The following HR variants were observed in gnomAD, a reference collection of about 807,000 sequenced individuals.
The protein encoded by HR is lysine-specific demethylase hairless.
Under a neutral mutation model 128.6 loss-of-function variants are expected in HR, and 83 were observed. The observed-to-expected ratio is 0.65, with a 90% CI of 0.54 to 0.77. The LOEUF (loss-of-function observed/expected upper bound fraction) is 0.77, where lower values mean the gene tolerates loss of function less well. HR is among the 30% of genes least tolerant of loss of function. HR has a pLI of 0.00. For synonymous variants in HR, 681 were observed against 658.2 expected (o/e 1.03, Z -0.53); for missense variants, 1,490 against 1,574.6 (o/e 0.95, Z 0.91).
chr8:22,125,893 C>T (rs1826877364), intron 3 of HR, among the ~76,000 whole-genome samples, 161 bp from the exon 4 acceptor site: 1 of 152,228 alleles, frequency 6.6e-6, no homozygotes, highest in African/African-American at 2.4e-5. Flanking sequence ...GACCAGGCAG[C>T]TGGAAGGCTC....
rs1255320045 is a variant in HR at position 22,120,854 on chromosome 8, C to T, written c.2472G>A (p.Leu824=). 9.7e-6 allele frequency: 15 copies of T among 1,551,832 alleles called. No homozygotes were observed. The highest frequency in any genetic ancestry group is 1.3e-5 in the Non-Finnish European group (15 of 1,147,702). Residue 824 remains leucine (L), a synonymous_variant, in exon 11 of 19, where the codon CTG becomes CTA. Transcript: ENST00000381418. ...AGAGGGGCAGGCCCAGGCCCTTGCG[C>T]AGACCCGGGCCAGCTCGAAGCCCCG... ...LGPGLRAGPG[L]RKGLGLPLSP...
At chr8:22,130,196 A>G (rs986208086) in intron 1 of HR, among the ~76,000 whole-genome samples, 1 of 152,222 alleles carries the variant, frequency 6.6e-6, no homozygotes, top group African/African-American at 2.4e-5. Context: ...CTTCGGCCAG[A>G]GCGACGAAGC....
intron 8 of HR, 139 bp downstream of exon 8, chr8:22,122,354 G>C (rs1408015719): frequency 3.1e-6 from 2 of 650,404 alleles, no homozygotes; most frequent in Non-Finnish European, 5.4e-6. Flanking sequence ...CATGGCTCCT[G>C]ATCCCCAAGG....
rs987217399 is a variant in HR at position 22,115,375 on chromosome 8, C to T, written c.*325G>A. The T allele has an allele frequency of 4.0e-6, 2 of 498,600 alleles. No individual in the cohort carries two copies. The highest frequency in any genetic ancestry group is 7.3e-6 in the Non-Finnish European group (2 of 272,576). 30.9% of individuals were successfully genotyped at this position (498,600 alleles called of 1,614,324 possible). A position where few individuals can be genotyped will look rare whatever the true frequency, so the allele number is the denominator to read the frequency against. On this transcript the variant is annotated 3_prime_UTR_variant, in exon 19 of 19. Coordinates refer to ENST00000381418, the MANE Select transcript of HR (RefSeq NM_005144.5). ...AAGCCAGAATGATTCCCAAGTTTCC[C>T]CAAGGAAGGGCTGTTTGTCTCCTGG...
At chr8:22,124,466 T>C (rs2131761550) in intron 5 of HR, among the ~76,000 whole-genome samples, 1 of 152,290 alleles carries the variant, frequency 6.6e-6, no homozygotes, top group East Asian at 1.9e-4. Flanking sequence ...TGTCGCTGAG[T>C]ACAATTCAAC....
chr8:22,118,909 C>G lies in HR; in HGVS notation c.3213+41G>C, dbSNP rs752402931. On this transcript the variant is annotated intron_variant, in intron 16 of 18. Transcript: ENST00000381418. Reference sequence around the variant, plus strand: ...GGTGGGACTGGACGAGCTTCTAGGGCTGGGCGGGGGGAAGGGGAGGGCTCC... The same window carrying G: ...GGTGGGACTGGACGAGCTTCTAGGGGTGGGCGGGGGGAAGGGGAGGGCTCC... 21 of 1,542,274 alleles carry G rather than the reference C, an allele frequency of 1.4e-5. No homozygotes were observed. The South Asian group carries it at 2.3e-4, about 17-fold the overall frequency.
At chr8:22,123,617 T>TGGGCC in intron 6 of HR, 32 bp downstream of exon 6, 4 of 292,092 alleles carry the variant, frequency 1.4e-5, no homozygotes, top group Non-Finnish European at 1.9e-5. Context: ...GAGGGCTCCA[T>TGGGCC]CCCGCCCTCC....
In HR at chr8:22,125,327, A is replaced by G. The variant is rs1461650428; in HGVS notation, c.1734T>C (p.Ala578=). The change falls in exon 5 of 19, where the codon GCT becomes GCC. Residue 578 remains alanine, a synonymous_variant. Transcript: ENST00000381418. ...RLLRREREAL[A]WAQREGQGPA... ...CCTGTTCACCTTCCCGCTGGGCCCA[A>G]GCCAGGGCCTCCCGCTCCCTCCGCA... 3 of 1,585,078 alleles carry G rather than the reference A, an allele frequency of 1.9e-6. No individual in the cohort carries two copies. The highest frequency in any genetic ancestry group is 2.6e-6 in the Non-Finnish European group (3 of 1,166,416).
intron 18 of HR, among the ~76,000 whole-genome samples, 182 bp from the exon 19 acceptor site, chr8:22,115,944 A>T (rs1247400684): frequency 6.6e-6 from 1 of 152,096 alleles, no homozygotes; most frequent in African/African-American, 2.4e-5. Context: ...CGGTCTGGCC[A>T]ACATGGTGAA....
rs1237851792 is a variant in HR at position 22,128,778 on chromosome 8, G to A, written c.393C>T (p.Leu131=). ...PLMPEHSGGH[L]KSDPVAFRPW... is the part of the protein sequence containing the mutation. Reference sequence around the variant, plus strand: ...GCCGGAAGGCCACAGGGTCACTCTTGAGATGGCCACCACTATGCTCAGGCA... The same window carrying A: ...GCCGGAAGGCCACAGGGTCACTCTTAAGATGGCCACCACTATGCTCAGGCA... Residue 131 remains leucine (L), a synonymous_variant, in exon 2 of 19, where the codon CTC becomes CTT. Coordinates refer to ENST00000381418, the MANE Select transcript of HR (RefSeq NM_005144.5). The A allele has an allele frequency of 4.3e-6, 7 of 1,610,460 alleles. No individual in the cohort carries two copies. Among genetic ancestry groups the A allele is most frequent in the Non-Finnish European group, 5.1e-6 (6 of 1,178,762 alleles).
Position 22,116,901 on chromosome 8 carries a change from G to A in HR, c.3352C>T (p.Leu1118=). Residue 1118 remains leucine (L), a synonymous_variant, in exon 17 of 19, where the codon CTG becomes TTG. Transcript: ENST00000381418. The surrounding 1 kb of genome is among the most constrained non-coding windows in gnomAD (Gnocchi z 4.2). ...TGGTGGGGAGCCCCTGCAGGCACCA[G>A]CACGGCCTCTCCGGGGGCCTGGAGC... ...TLLQAPGEAV[L]VPAGAPHQVQ... is the part of the protein sequence containing the mutation. The A allele has an allele frequency of 6.4e-7, 1 of 1,567,342 alleles. No individual in the cohort carries two copies. The highest frequency in any genetic ancestry group is 1.8e-5 in the Admixed American group (1 of 54,600).
Position 22,116,525 on chromosome 8 carries a change from C to G in HR, c.3379-97G>C. On this transcript the variant is annotated intron_variant, in intron 17 of 18. Transcript: ENST00000381418. This position sits in a 1 kb window ranked among gnomAD's most constrained non-coding sequence, Gnocchi z 4.2. ...TTCGCTTCCTCTAATGACAACCACC[C>G]CCGACCCCTGGCTCTCAGAGAGCAG... The G allele has an allele frequency of 7.2e-7, 1 of 1,397,898 alleles. No homozygotes were observed. 86.6% of individuals were successfully genotyped at this position (1,397,898 alleles called of 1,614,324 possible). A position where few individuals can be genotyped will look rare whatever the true frequency, so the allele number is the denominator to read the frequency against.
intron 9 of HR, 111 bp downstream of exon 9, chr8:22,121,501 GT>G: frequency 8.8e-7 from 1 of 1,130,306 alleles, no homozygotes; most frequent in Non-Finnish European, 1.3e-6. Context: ...ATTATTGGGG[GT>G]GGGGGGGAGT....
At chr8:22,122,430 C>T in intron 8 of HR, 63 bp downstream of exon 8, 1 of 1,213,360 alleles carries the variant, frequency 8.2e-7, no homozygotes, top group Non-Finnish European at 1.2e-6. Flanking sequence ...GGGGGCCAAA[C>T]CCCTGCAAAG....
Position 22,128,744 on chromosome 8 carries a change from A to G in HR, c.427T>C (p.Cys143Arg), listed in dbSNP as rs747084584. Residue 143 changes from cysteine to arginine, a missense_variant, in exon 2 of 19, where the codon TGC (cysteine) becomes CGC (arginine). By Grantham distance (180) the Cys-to-Arg change is radical. This residue lies in a region of HR where 1,060 missense variants were observed against 1,060.9 expected (regional missense o/e 1.00). Transcript: ENST00000381418. ...SDPVAFRPWH[C>R]PFLLETKILE... ...ATCTTGGTCTCCAGAAGGAAAGGGC[A>G]GTGCCAGGGCCGGAAGGCCACAGGG... The G allele has an allele frequency of 6.3e-7, 1 of 1,596,820 alleles. No individual in the cohort carries two copies.
At chr8:22,121,399 C>G (rs1402343043) in intron 9 of HR, among the ~76,000 whole-genome samples, 171 bp from the exon 10 acceptor site, 1 of 152,102 alleles carries the variant, frequency 6.6e-6, no homozygotes, top group Non-Finnish European at 1.5e-5. Context: ...GCTTTTCCTG[C>G]AGGCAGCTCC....
intron 14 of HR, among the ~76,000 whole-genome samples, chr8:22,119,543 G>A (rs1364004786): frequency 6.6e-6 from 1 of 151,926 alleles, no homozygotes; most frequent in Non-Finnish European, 1.5e-5. Flanking sequence ...GGAGGCGGAG[G>A]TTGCGGTGAG....
chr8:22,127,190 CG>C lies in HR; in HGVS notation c.1251del (p.Glu418ArgfsTer37). 1 of 1,612,968 alleles carries C rather than the reference CG, an allele frequency of 6.2e-7. No homozygotes were observed. The highest frequency in any genetic ancestry group is 8.5e-7 in the Non-Finnish European group (1 of 1,179,992). ...GGACTGCCCATTGCTCCCTGGACCT[CG>C]GGGCTGCCTGCCCTTTTGAGGGCCC... ...RLRALKRAGS[P>X]EVQGAMGSPA... On this transcript the variant is annotated frameshift_variant, in exon 3 of 19. Coordinates refer to ENST00000381418, the MANE Select transcript of HR (RefSeq NM_005144.5). LOFTEE classifies it high-confidence loss of function.
chr8:22,118,721 A>C (rs1163195759), intron 16 of HR: 1 of 583,608 alleles, frequency 1.7e-6, no homozygotes, highest in African/African-American at 1.9e-5. Flanking sequence ...TCATTTCATC[A>C]TCGGGTCCAG....
Sources: gnomAD v4.1 joint callset for allele counts (sites outside exome capture counted in the v4.1 genomes callset) on GRCh38, gnomAD v4.1.1 for gene constraint, gnomAD v4.1.1 regional missense constraint, Gnocchi (gnomAD v3.1) non-coding constraint, MANE v1.5 for transcripts, NCBI Gene and HGNC (gene_info 2026-07-23, HGNC 2026-07-21) for gene names.